Variants in TMT1A observed in about 807,000 individuals in gnomAD.
TMT1A encodes the protein thiol methyltransferase 1A.
the TMT1A span, chr12:50,930,255 T>G: frequency 5.5e-6 from 5 of 916,130 alleles, no homozygotes; most frequent in Non-Finnish European, 7.8e-6. Context: ...TGGGGGGCGG[T>G]TTTTTTGGTT....
the TMT1A span, chr12:50,929,803 G>A: frequency 1.1e-6 from 1 of 927,924 alleles, no homozygotes; most frequent in Non-Finnish European, 1.6e-6. Context: ...GAACTCTACG[G>A]TTCTCTCACA....
chr12:50,928,609 T>G, the TMT1A span, among the ~76,000 whole-genome samples: 1 of 152,216 alleles, frequency 6.6e-6, no homozygotes. Flanking sequence ...TAACCATTTG[T>G]GGGACTGGTC....
At chr12:50,927,156 C>T in the TMT1A span, among the ~76,000 whole-genome samples, 5 of 152,038 alleles carry the variant, frequency 3.3e-5, no homozygotes, top group Non-Finnish European at 7.4e-5. Context: ...ACCCTCCCAG[C>T]AGCTGGGACT....
chr12:50,926,981 A>C, the TMT1A span, among the ~76,000 whole-genome samples: 1 of 152,118 alleles, frequency 6.6e-6, no homozygotes, highest in African/African-American at 2.4e-5. Flanking sequence ...TTAACATTTG[A>C]ATTTACTCTT....
At chr12:50,927,766 A>G in the TMT1A span, among the ~76,000 whole-genome samples, 1 of 152,236 alleles carries the variant, frequency 6.6e-6, no homozygotes, top group African/African-American at 2.4e-5. Context: ...ACTCAGAGAG[A>G]TTAAGGAATT....
the TMT1A span, chr12:50,930,274 G>GTT: frequency 5.3e-3 from 2,748 of 517,260 alleles, no homozygotes; most frequent in South Asian, 8.0e-3. Flanking sequence ...TTTGTTGTTG[G>GTT]TTTTTTTTTT....
At chr12:50,927,912 C>T in the TMT1A span, among the ~76,000 whole-genome samples, 1 of 106,404 alleles carries the variant, frequency 9.4e-6, no homozygotes, top group Non-Finnish European at 1.9e-5. Flanking sequence ...GCAGCCTCCA[C>T]CTCCCAGGTT....
At chr12:50,928,919 T>C in the TMT1A span, among the ~76,000 whole-genome samples, 1 of 152,124 alleles carries the variant, frequency 6.6e-6, no homozygotes, top group African/African-American at 2.4e-5. Flanking sequence ...TCCTCCTTTA[T>C]GCTGCCCTAT....
chr12:50,927,208 G>C, the TMT1A span, among the ~76,000 whole-genome samples: 1 of 152,058 alleles, frequency 6.6e-6, no homozygotes, highest in East Asian at 1.9e-4. Context: ...TTGTATTTTT[G>C]TAGAGATGAG....
chr12:50,928,114 C>T, the TMT1A span, among the ~76,000 whole-genome samples: 6 of 152,294 alleles, frequency 3.9e-5, no homozygotes, highest in South Asian at 1.2e-3. Flanking sequence ...TGTGAGCCAC[C>T]GCGCCCAGCC....
the TMT1A span, among the ~76,000 whole-genome samples, chr12:50,928,441 C>A: frequency 3.3e-5 from 5 of 152,328 alleles, no homozygotes; most frequent in Admixed American, 3.3e-4. Flanking sequence ...CCCTTCGCAA[C>A]TGAAAAGCTG....
At chr12:50,930,120 C>A in the TMT1A span, 1 of 1,612,344 alleles carries the variant, frequency 6.2e-7, no homozygotes, top group Non-Finnish European at 8.5e-7. Context: ...AGTTGGTGCG[C>A]CCTCATATCT....
chr12:50,927,171 G>T, the TMT1A span, among the ~76,000 whole-genome samples: 1 of 152,086 alleles, frequency 6.6e-6, no homozygotes, highest in Non-Finnish European at 1.5e-5. Flanking sequence ...GGGACTACAG[G>T]CATGCACCAC....
chr12:50,925,687 A>T, the TMT1A span: 1 of 947,494 alleles, frequency 1.1e-6, no homozygotes, highest in Non-Finnish European at 1.5e-6. Context: ...CGTGGGAGAG[A>T]AGCTATAAAG....
the TMT1A span, chr12:50,925,178 A>T: frequency 6.2e-7 from 1 of 1,614,218 alleles, no homozygotes; most frequent in African/African-American, 1.3e-5. Flanking sequence ...ACTGTGATAT[A>T]CAACGAACAG....
the TMT1A span, chr12:50,930,028 AC>A: frequency 4.3e-6 from 7 of 1,613,996 alleles, no homozygotes; most frequent in Admixed American, 1.2e-4. Flanking sequence ...GTGCAACCTG[AC>A]CAGAGAGAGC....
the TMT1A span, among the ~76,000 whole-genome samples, chr12:50,929,059 GAA>G: frequency 4.0e-5 from 6 of 151,504 alleles, no homozygotes; most frequent in African/African-American, 1.2e-4. Context: ...GCAATGCGGC[GAA>G]ACTCTGTCTC....
At chr12:50,928,417 G>C in the TMT1A span, among the ~76,000 whole-genome samples, 1 of 152,298 alleles carries the variant, frequency 6.6e-6, no homozygotes, top group Admixed American at 6.5e-5. Context: ...CCTGAAAACA[G>C]GTTGCTGGTT....
At chr12:50,927,809 C>G in the TMT1A span, among the ~76,000 whole-genome samples, 1 of 152,074 alleles carries the variant, frequency 6.6e-6, no homozygotes, top group Admixed American at 6.5e-5. Context: ...AGACATGGCT[C>G]TCTTTAATGC....
Sources: gnomAD v4.1 joint callset for allele counts (sites outside exome capture counted in the v4.1 genomes callset) on GRCh38, gnomAD v4.1.1 for gene constraint, MANE v1.5 for transcripts, NCBI Gene and HGNC (gene_info 2026-07-23, HGNC 2026-07-21) for gene names.